Variants in GPC5 observed in about 807,000 individuals in gnomAD.
The protein encoded by GPC5 is glypican 5.
In GPC5, 47 loss-of-function variants were observed where a neutral mutation model predicts 53.9. The observed-to-expected ratio is 0.87, with a 90% CI of 0.69 to 1.11. The LOEUF (loss-of-function observed/expected upper bound fraction) is 1.11, where lower values mean the gene tolerates loss of function less well. GPC5 is among the 50% of genes most tolerant of loss of function. GPC5 has a pLI of 0.00. For synonymous variants in GPC5, 286 were observed against 263.3 expected, an observed-to-expected ratio of 1.09 and a Z score of -0.84; for missense variants, 748 against 713.1, an observed-to-expected ratio of 1.05 and a Z score of -0.56.
At chr13:92,026,453 CT>C (rs1263154168) in intron 6 of GPC5, among the ~76,000 whole-genome samples, 205 of 140,452 alleles carry the variant, frequency 1.5e-3, no homozygotes, top group Non-Finnish European at 1.4e-3. Context: ...TTTCTTTTTT[CT>C]TTTTTTTTTT....
chr13:91,977,831 G>T (rs1436162247), intron 6 of GPC5, among the ~76,000 whole-genome samples: 1 of 151,948 alleles, frequency 6.6e-6, no homozygotes, highest in Non-Finnish European at 1.5e-5. Flanking sequence ...AACTTTTAGC[G>T]CTAGGTGCAA....
intron 7 of GPC5, among the ~76,000 whole-genome samples, chr13:92,774,683 A>C (rs1190615919): frequency 4.6e-5 from 7 of 152,356 alleles, no homozygotes; most frequent in African/African-American, 1.7e-4. Flanking sequence ...AGAAAAAATG[A>C]AAGTTTAATG....
intron 5 of GPC5, among the ~76,000 whole-genome samples, chr13:91,763,959 G>T (rs766258102): frequency 7.2e-5 from 11 of 152,094 alleles, no homozygotes; most frequent in Non-Finnish European, 1.5e-4. Context: ...ACTAAATATA[G>T]TACCTAATAC....
At chr13:92,595,216 C>T (rs999998725) in intron 7 of GPC5, among the ~76,000 whole-genome samples, 2 of 152,110 alleles carry the variant, frequency 1.3e-5, no homozygotes, top group African/African-American at 4.8e-5. Context: ...TTATGCCCCC[C>T]TTTTTCAAAG....
intron 7 of GPC5, among the ~76,000 whole-genome samples, chr13:92,854,876 C>G (rs1205867710): frequency 6.6e-6 from 1 of 151,770 alleles, no homozygotes; most frequent in East Asian, 1.9e-4. Context: ...TGTAGAGAAG[C>G]TTTTTAGTTT....
intron 2 of GPC5, among the ~76,000 whole-genome samples, chr13:91,529,106 C>T (rs1377301038): frequency 2.6e-5 from 4 of 152,174 alleles, no homozygotes; most frequent in Admixed American, 6.5e-5. Context: ...ATAATTAGTA[C>T]ACATAGAGCA....
chr13:91,946,174 A>G (rs568348915), intron 6 of GPC5, among the ~76,000 whole-genome samples: 3 of 152,106 alleles, frequency 2.0e-5, no homozygotes, highest in Non-Finnish European at 2.9e-5. Flanking sequence ...TGTTCGTGAC[A>G]GTCTGTTATA....
At chr13:91,487,342 CTT>C (rs1883668388) in intron 2 of GPC5, among the ~76,000 whole-genome samples, 2 of 152,228 alleles carry the variant, frequency 1.3e-5, no homozygotes, top group Admixed American at 1.3e-4. Flanking sequence ...TGGAAATTAA[CTT>C]ATAAAGAATT....
In GPC5 at chr13:92,130,009, T is replaced by A. The variant is rs74710195; in HGVS notation, c.1402-14821T>A. On this transcript the variant is annotated intron_variant, in intron 6 of 7. Coordinates refer to ENST00000377067, the MANE Select transcript of GPC5 (RefSeq NM_004466.6). ...AAGGAACATAATACAAATAAAACCT[T>A]ACCTGACTAGATTATAAGCTGCTGA... Among the ~76,000 whole-genome samples the A allele has an allele frequency of 5.0e-3, 757 of 152,170 alleles. 8 individuals are homozygous for A. The highest frequency in any genetic ancestry group is 0.018 in the African/African-American group (734 of 41,530).
At chr13:92,369,063 CAAAT>C (rs1016025476) in intron 7 of GPC5, among the ~76,000 whole-genome samples, 5 of 152,168 alleles carry the variant, frequency 3.3e-5, no homozygotes, top group African/African-American at 1.2e-4. Flanking sequence ...TTCACAATAA[CAAAT>C]AAGATGCAAT....
chr13:91,405,599 G>A (rs995933891), intron 1 of GPC5, among the ~76,000 whole-genome samples: 4 of 152,102 alleles, frequency 2.6e-5, no homozygotes, highest in South Asian at 2.1e-4. Flanking sequence ...ACGGCGCCAC[G>A]TTCCTTTTCT....
At chr13:92,556,602 G>A (rs1882501474) in intron 7 of GPC5, among the ~76,000 whole-genome samples, 1 of 151,734 alleles carries the variant, frequency 6.6e-6, no homozygotes, top group Non-Finnish European at 1.5e-5. Flanking sequence ...CAATATAAAT[G>A]TGATAGGTGC....
At chr13:91,883,972 C>A (rs2039295601) in intron 5 of GPC5, among the ~76,000 whole-genome samples, 1 of 151,936 alleles carries the variant, frequency 6.6e-6, no homozygotes, top group Non-Finnish European at 1.5e-5. Context: ...AGTAGACATA[C>A]ATGTAACCAA....
intron 2 of GPC5, among the ~76,000 whole-genome samples, chr13:91,496,541 G>A (rs184803279): frequency 2.5e-4 from 38 of 152,190 alleles, no homozygotes; most frequent in Non-Finnish European, 4.1e-4. Context: ...GACAAACTTC[G>A]CATTTCCTCA....
chr13:92,262,312 A>G (rs997720310), intron 7 of GPC5, among the ~76,000 whole-genome samples: 1 of 151,816 alleles, frequency 6.6e-6, no homozygotes, highest in African/African-American at 2.4e-5. Flanking sequence ...TTCGTGTTTT[A>G]CTTTTATTGC....
intron 7 of GPC5, among the ~76,000 whole-genome samples, chr13:92,423,586 T>C (rs541968691): frequency 6.6e-6 from 1 of 152,288 alleles, no homozygotes; most frequent in South Asian, 2.1e-4. Context: ...AAAGGATCTG[T>C]AGATGTACAG....
chr13:91,515,749 T>G (rs1226196592), intron 2 of GPC5, among the ~76,000 whole-genome samples: 2 of 140,488 alleles, frequency 1.4e-5, no homozygotes, highest in African/African-American at 2.5e-5. Context: ...GGGATAGTCT[T>G]CTGTACTTTT....
chr13:92,185,525 C>A (rs891658848), intron 7 of GPC5, among the ~76,000 whole-genome samples: 7 of 152,010 alleles, frequency 4.6e-5, no homozygotes, highest in Admixed American at 4.6e-4. Context: ...TAAATGACTC[C>A]TTTTCACCAC....
In GPC5 at chr13:91,809,725, C is replaced by T. The variant is rs7985540; in HGVS notation, c.1280+53305C>T. On this transcript the variant is annotated intron_variant, in intron 5 of 7. Transcript: ENST00000377067. The stretch of plus-strand genomic sequence containing the variant: ...TTTTTTAATAAAGAGAAATTTAGCA[C>T]AGAATACATATGGCCCAAAGACATG... Among the ~76,000 whole-genome samples, 70 of 152,002 alleles carry T rather than the reference C, an allele frequency of 4.6e-4. 1 individual carries two copies. Among genetic ancestry groups the T allele is most frequent in the African/African-American group, 1.6e-3 (67 of 41,468 alleles).
Sources: gnomAD v4.1 joint callset for allele counts (sites outside exome capture counted in the v4.1 genomes callset) on GRCh38, gnomAD v4.1.1 for gene constraint, MANE v1.5 for transcripts, NCBI Gene and HGNC (gene_info 2026-07-23, HGNC 2026-07-21) for gene names.